The following KLRF2 variants were observed in gnomAD, a reference collection of about 807,000 sequenced individuals.
KLRF2 encodes the protein killer cell lectin-like receptor subfamily F member 2.
KLRF2 carries 28 observed loss-of-function variants against 25.3 expected under a neutral mutation model. The ratio of observed to expected loss-of-function variants is 1.11; its 90% CI spans 0.82 to 1.52. The LOEUF is 1.52. KLRF2 is among the 40% of genes most tolerant of loss of function. The pLI is 0.00. For missense variants in KLRF2, 265 were observed against 245.8 expected, an observed-to-expected ratio of 1.08 and a Z score of -0.52; for synonymous variants, 73 against 85.0, an observed-to-expected ratio of 0.86 and a Z score of 0.78.
At chr12:9,889,660 G>C (rs967711396) in intron 3 of KLRF2, among the ~76,000 whole-genome samples, 1 of 139,636 alleles carries the variant, frequency 7.2e-6, no homozygotes, top group Non-Finnish European at 1.6e-5. Flanking sequence ...GTGTGTGTGT[G>C]TATATATATG....
intron 2 of KLRF2, among the ~76,000 whole-genome samples, chr12:9,887,590 G>T (rs1181868994): frequency 6.6e-6 from 1 of 152,166 alleles, no homozygotes; most frequent in Non-Finnish European, 1.5e-5. Flanking sequence ...GCTAGCCCAA[G>T]AATATAATTA....
intron 3 of KLRF2, among the ~76,000 whole-genome samples, chr12:9,890,126 T>C (rs1862657054): frequency 6.6e-6 from 1 of 152,176 alleles, no homozygotes; most frequent in Non-Finnish European, 1.5e-5. Context: ...GACTAGATAT[T>C]ATACCATTGA....
chr12:9,894,043 TTTCTTTCTTTCTCTTTCTC>T (rs1354818883), intron 5 of KLRF2, among the ~76,000 whole-genome samples: 1 of 151,396 alleles, frequency 6.6e-6, no homozygotes, highest in African/African-American at 2.4e-5. Flanking sequence ...TTTCTTTTTC[TTTCTTTCTTTCTCTTTCTC>T]TTTTTTCTTT....
At chr12:9,882,295 C>T (rs1233591234) in intron 1 of KLRF2, among the ~76,000 whole-genome samples, 1 of 152,254 alleles carries the variant, frequency 6.6e-6, no homozygotes, top group East Asian at 1.9e-4. Flanking sequence ...TGAACATTCT[C>T]GTGTACAATC....
At chr12:9,887,407 C>T (rs984944497) in intron 2 of KLRF2, among the ~76,000 whole-genome samples, 42 of 152,178 alleles carry the variant, frequency 2.8e-4, no homozygotes, top group African/African-American at 8.7e-4. Flanking sequence ...GATTTTTAAA[C>T]GCACCTAAAA....
intron 3 of KLRF2, among the ~76,000 whole-genome samples, chr12:9,889,680 A>G (rs926653192): frequency 2.0e-5 from 3 of 151,588 alleles, no homozygotes; most frequent in East Asian, 1.9e-4. Flanking sequence ...GTATATATAT[A>G]CATATATACA....
chr12:9,884,251 C>T (rs1022234488), intron 1 of KLRF2, among the ~76,000 whole-genome samples: 1 of 152,004 alleles, frequency 6.6e-6, no homozygotes, highest in African/African-American at 2.4e-5. Context: ...GCTATTCTTG[C>T]CAACTCTAAT....
Position 9,881,560 on chromosome 12 carries a change from AT to A in KLRF2, c.-32del. 2 of 1,401,626 alleles carry A rather than the reference AT, an allele frequency of 1.4e-6. No homozygotes were observed. Among genetic ancestry groups the A allele is most frequent in the Non-Finnish European group, 1.9e-6 (2 of 1,025,816 alleles). 86.8% of individuals were successfully genotyped at this position (1,401,626 alleles called of 1,614,324 possible). On this transcript the variant is annotated 5_prime_UTR_variant, in exon 1 of 6. Transcript: ENST00000535540. ...GATTAGTTTCCATTTTCTTTGTACTATTTTCTGGATAATAAGACATTAGACA... is the reference window on the plus strand; with the variant it reads ...GATTAGTTTCCATTTTCTTTGTACTATTTCTGGATAATAAGACATTAGACA...
intron 2 of KLRF2, among the ~76,000 whole-genome samples, chr12:9,886,813 T>C (rs886405102): frequency 7.0e-6 from 1 of 143,824 alleles, no homozygotes; most frequent in Non-Finnish European, 1.5e-5. Flanking sequence ...CAGTGAGATA[T>C]ATAGATAGAG....
chr12:9,895,289 AC>A (rs1391399808), intron 5 of KLRF2, among the ~76,000 whole-genome samples: 1 of 152,240 alleles, frequency 6.6e-6, no homozygotes, highest in Non-Finnish European at 1.5e-5. Flanking sequence ...TAGATAGGAA[AC>A]AAAACTGAAA....
chr12:9,892,435 A>G (rs553016625), intron 3 of KLRF2, among the ~76,000 whole-genome samples: 10 of 152,326 alleles, frequency 6.6e-5, no homozygotes, highest in Non-Finnish European at 1.0e-4. Context: ...GTTGGTAATT[A>G]ACTGTCAAAA....
At position 9,888,799 on chromosome 12, in the gene KLRF2, G is replaced by A. The variant is rs1434262277; in HGVS notation, c.217+19G>A. ...CTATCAGGTAATACTCTTTTTGTTT[G>A]TTATGTGCTACTCTTAGGGGTAAAT... is the stretch of plus-strand genomic sequence containing the variant. On this transcript the variant is annotated intron_variant, in intron 3 of 5. Transcript: ENST00000535540. 1 of 1,443,206 alleles carries A rather than the reference G, an allele frequency of 6.9e-7. No homozygotes were observed. 89.4% of individuals were successfully genotyped at this position (1,443,206 alleles called of 1,614,324 possible). A position where few individuals can be genotyped will look rare whatever the true frequency, so the allele number is the denominator to read the frequency against.
rs78599094 is a variant in KLRF2, at chr12:9,881,855, T to C, written c.70+190T>C. 1.9e-3 allele frequency among the ~76,000 whole-genome samples: 293 copies of C among 152,246 alleles called. 1 individual carries two copies. The highest frequency in any genetic ancestry group is 6.9e-3 in the African/African-American group (285 of 41,548). On this transcript the variant is annotated intron_variant, in intron 1 of 5. Coordinates refer to ENST00000535540, the MANE Select transcript of KLRF2 (RefSeq NM_001190765.1). ...TAAAAAGTCTGCATTTTCAGAGCCA[T>C]GAGGTAAGAGAAATGCGAATATGAC...
chr12:9,886,424 G>A (rs1274678336), intron 2 of KLRF2, among the ~76,000 whole-genome samples: 1 of 152,072 alleles, frequency 6.6e-6, no homozygotes, highest in Non-Finnish European at 1.5e-5. Context: ...AATGAAAAGT[G>A]GATAGCATAA....
chr12:9,894,917 TA>T (rs1862739719), intron 5 of KLRF2, among the ~76,000 whole-genome samples: 3 of 152,302 alleles, frequency 2.0e-5, no homozygotes, highest in Admixed American at 2.0e-4. Flanking sequence ...ATATCACTTT[TA>T]AAAGCTTTTA....
chr12:9,888,835 C>T, intron 3 of KLRF2, 55 bp downstream of exon 3: 1 of 1,060,470 alleles, frequency 9.4e-7, no homozygotes, highest in East Asian at 2.6e-5. Flanking sequence ...TTAGTTTTGG[C>T]TTCCCTCTTC....
intron 5 of KLRF2, among the ~76,000 whole-genome samples, chr12:9,893,786 C>T (rs1862718269): frequency 6.6e-6 from 1 of 151,860 alleles, no homozygotes; most frequent in African/African-American, 2.4e-5. Flanking sequence ...CATTTTGTCA[C>T]CTGGCAGTTT....
chr12:9,891,715 G>T (rs618819), intron 3 of KLRF2, among the ~76,000 whole-genome samples: 124,869 of 152,088 alleles, frequency 0.82, 51,472 homozygotes, highest in African/African-American at 0.9. Context: ...ACTCTTGCCC[G>T]GATACAGCAT....
rs1053712247 is a variant in KLRF2, at chr12:9,884,635, A to G, written c.71-299A>G. On this transcript the variant is annotated intron_variant, in intron 1 of 5. Coordinates refer to ENST00000535540, the MANE Select transcript of KLRF2 (RefSeq NM_001190765.1). ...ATATAATATGTTATAACAAATATTT[A>G]TATCATATATAATATGTATTTGTAT... is the stretch of plus-strand genomic sequence containing the variant. Among the ~76,000 whole-genome samples the G allele has an allele frequency of 2.0e-5, 3 of 148,950 alleles. No individual in the cohort carries two copies. The Admixed American group carries it at 2.0e-4, about 10-fold the overall frequency.
Sources: allele counts gnomAD v4.1 joint callset (sites outside exome capture counted in the v4.1 genomes callset), GRCh38; gene constraint gnomAD v4.1.1; transcripts MANE v1.5; gene names NCBI Gene and HGNC (gene_info 2026-07-23, HGNC 2026-07-21).